The following BMPR1A variants were observed in gnomAD, a reference collection of about 807,000 sequenced individuals.
BMPR1A encodes bone morphogenetic protein receptor type-1A.
BMPR1A carries 7 observed loss-of-function variants against 66.0 expected under a neutral mutation model. The observed-to-expected ratio is 0.11, with a 90% CI of 0.06 to 0.20. The LOEUF (loss-of-function observed/expected upper bound fraction) is 0.20, where lower values mean the gene tolerates loss of function less well. BMPR1A is among the 10% of genes least tolerant of loss of function. The pLI, the probability that BMPR1A is intolerant of heterozygous loss-of-function variation, is 1.00. For missense variants in BMPR1A, 408 were observed against 669.1 expected, an observed-to-expected ratio of 0.61 and a Z score of 4.31; for synonymous variants, 200 against 229.7, an observed-to-expected ratio of 0.87 and a Z score of 1.17.
At chr10:86,813,956 C>T (rs1170246886) in intron 1 of BMPR1A, among the ~76,000 whole-genome samples, 1 of 152,148 alleles carries the variant, frequency 6.6e-6, no homozygotes, top group African/African-American at 2.4e-5. Flanking sequence ...TCTTGGCTTT[C>T]ATTTTCCTTC....
At chr10:86,814,600 CTTCTG>C (rs1341754831) in intron 1 of BMPR1A, among the ~76,000 whole-genome samples, 3 of 151,830 alleles carry the variant, frequency 2.0e-5, no homozygotes, top group East Asian at 1.9e-4. Flanking sequence ...TTCTGAGTTT[CTTCTG>C]TTCTGATGTT....
chr10:86,757,921 A>G (rs1156325849), intron 1 of BMPR1A, among the ~76,000 whole-genome samples: 1 of 152,158 alleles, frequency 6.6e-6, no homozygotes, highest in African/African-American at 2.4e-5. Context: ...GTTTAGGAAC[A>G]TTTTTCAGTT....
intron 9 of BMPR1A, 126 bp downstream of exon 9, chr10:86,917,452 T>A (rs1843591926): frequency 8.8e-7 from 1 of 1,131,678 alleles, no homozygotes; most frequent in Non-Finnish European, 1.3e-6. Flanking sequence ...GGAAACCTAG[T>A]AGAATACACG....
intron 2 of BMPR1A, among the ~76,000 whole-genome samples, chr10:86,874,644 T>G (rs953104881): frequency 1.1e-4 from 17 of 151,322 alleles, no homozygotes; most frequent in Non-Finnish European, 2.5e-4. Context: ...CCTGACCTCA[T>G]GATCTGCCCA....
At chr10:86,829,822 T>C (rs1244087749) in intron 1 of BMPR1A, among the ~76,000 whole-genome samples, 1 of 152,252 alleles carries the variant, frequency 6.6e-6, no homozygotes, top group Admixed American at 6.5e-5. Context: ...ATAATCTCTT[T>C]CCCTAGTTTT....
chr10:86,857,869 G>A (rs769139565), intron 2 of BMPR1A, among the ~76,000 whole-genome samples: 14 of 151,598 alleles, frequency 9.2e-5, no homozygotes, highest in Middle Eastern at 6.8e-3. Context: ...TGTTGACCAG[G>A]CTGGTCTCAA....
intron 1 of BMPR1A, among the ~76,000 whole-genome samples, chr10:86,763,794 T>TG (rs1564676490): frequency 6.7e-6 from 1 of 148,270 alleles, no homozygotes; most frequent in Non-Finnish European, 1.5e-5. Context: ...ATAGTTGTTT[T>TG]TTTTTTTTTT....
intron 2 of BMPR1A, among the ~76,000 whole-genome samples, chr10:86,865,158 T>C (rs1417181444): frequency 6.6e-6 from 1 of 152,092 alleles, no homozygotes; most frequent in Non-Finnish European, 1.5e-5. Flanking sequence ...GAATATGCCC[T>C]GCCCCACCTT....
intron 2 of BMPR1A, among the ~76,000 whole-genome samples, chr10:86,847,716 G>A (rs1428464102): frequency 6.6e-6 from 1 of 151,580 alleles, no homozygotes; most frequent in Non-Finnish European, 1.5e-5. Context: ...TATGTAAGCA[G>A]CCTATTAATA....
intron 1 of BMPR1A, among the ~76,000 whole-genome samples, chr10:86,762,499 A>G (rs2132596144): frequency 6.6e-6 from 1 of 152,146 alleles, no homozygotes; most frequent in East Asian, 1.9e-4. Flanking sequence ...GCTGGGTTTA[A>G]CAGGCGCCCG....
chr10:86,766,308 T>C (rs1424525763), intron 1 of BMPR1A, among the ~76,000 whole-genome samples: 1 of 152,168 alleles, frequency 6.6e-6, no homozygotes, highest in Non-Finnish European at 1.5e-5. Context: ...ATCTCATTCT[T>C]TATAGTAGTT....
intron 1 of BMPR1A, among the ~76,000 whole-genome samples, chr10:86,778,960 G>A (rs764943189): frequency 1.4e-5 from 2 of 147,268 alleles, no homozygotes; most frequent in Non-Finnish European, 3.0e-5. Flanking sequence ...TAGAGATGGG[G>A]TTTCACCATG....
At chr10:86,897,744 C>A (rs1027469200) in intron 5 of BMPR1A, among the ~76,000 whole-genome samples, 1 of 152,004 alleles carries the variant, frequency 6.6e-6, no homozygotes, top group Non-Finnish European at 1.5e-5. Context: ...GTAGCTGGGA[C>A]CACAGGCGTG....
intron 5 of BMPR1A, among the ~76,000 whole-genome samples, chr10:86,893,266 G>A (rs1433728588): frequency 1.3e-5 from 2 of 152,142 alleles, no homozygotes; most frequent in Non-Finnish European, 2.9e-5. Flanking sequence ...GGCCTTGTAA[G>A]GAGGTGTCAG....
At chr10:86,822,533 C>A (rs1443476060) in intron 1 of BMPR1A, among the ~76,000 whole-genome samples, 1 of 152,174 alleles carries the variant, frequency 6.6e-6, no homozygotes, top group Admixed American at 6.5e-5. Context: ...TCTGGCTGAT[C>A]TGGGTTTAAA....
At position 86,770,590 on chromosome 10, in the gene BMPR1A, A is replaced by T. The variant is rs921697595; in HGVS notation, c.-268+13671A>T. Among the ~76,000 whole-genome samples, 114 of 152,118 alleles carry T rather than the reference A, an allele frequency of 7.5e-4. 1 individual carries two copies. The highest frequency in any genetic ancestry group is 5.9e-5 in the Non-Finnish European group (4 of 68,022). On this transcript the variant is annotated intron_variant, in intron 1 of 12. Coordinates refer to ENST00000372037, the MANE Select transcript of BMPR1A (RefSeq NM_004329.3). ...ATTAGCCAGGAAAGTGGCAACTGAGATAGCTACTCCAGTCTCTCTCCTCCC... is the reference window on the plus strand; with the variant it reads ...ATTAGCCAGGAAAGTGGCAACTGAGTTAGCTACTCCAGTCTCTCTCCTCCC...
chr10:86,777,683 CT>C (rs1462507405), intron 1 of BMPR1A, among the ~76,000 whole-genome samples: 1 of 151,344 alleles, frequency 6.6e-6, no homozygotes, highest in Admixed American at 6.6e-5. Context: ...ATCTCTAGAA[CT>C]TTTTTTTTGT....
intron 1 of BMPR1A, among the ~76,000 whole-genome samples, chr10:86,785,370 A>G (rs1328766142): frequency 2.0e-5 from 3 of 151,088 alleles, no homozygotes; most frequent in Non-Finnish European, 4.4e-5. Context: ...CAGTGGTGGG[A>G]ACTCAGCCCA....
intron 1 of BMPR1A, among the ~76,000 whole-genome samples, chr10:86,766,601 A>G (rs1317999323): frequency 6.7e-6 from 1 of 149,490 alleles, no homozygotes; most frequent in Non-Finnish European, 1.5e-5. Flanking sequence ...TCTCCTCCCA[A>G]CATAATCATA....
Sources: allele counts gnomAD v4.1 joint callset (sites outside exome capture counted in the v4.1 genomes callset), GRCh38; gene constraint gnomAD v4.1.1; transcripts MANE v1.5; gene names NCBI Gene and HGNC (gene_info 2026-07-23, HGNC 2026-07-21).